Variants in IL2RA observed in about 807,000 individuals in gnomAD.
IL2RA encodes interleukin 2 receptor subunit alpha, also known as interleukin-2 receptor subunit alpha.
A neutral mutation model predicts 37.8 loss-of-function variants in IL2RA; 24 were observed. That is an observed-to-expected ratio of 0.63 (90% confidence interval 0.46 to 0.89). IL2RA has a LOEUF of 0.89. Ranked by LOEUF, IL2RA falls within the 40% of genes least tolerant of loss-of-function variation. The pLI is 0.00. For missense variants in IL2RA, 319 were observed against 348.6 expected (o/e 0.92, Z 0.68); for synonymous variants, 125 against 114.6 (o/e 1.09, Z -0.58).
At chr10:6,027,429 T>G (rs903060337) in intron 1 of IL2RA, among the ~76,000 whole-genome samples, 3 of 152,044 alleles carry the variant, frequency 2.0e-5, no homozygotes, top group African/African-American at 7.3e-5. Flanking sequence ...GGCCAGAAAT[T>G]ACAGTGGAAC....
rs1360717204 is a variant in IL2RA, at chr10:6,048,174, G to A, written c.64+13914C>T. Among the ~76,000 whole-genome samples the A allele has an allele frequency of 6.6e-6, 1 of 152,240 alleles. No homozygotes were observed. On this transcript the variant is annotated intron_variant, in intron 1 of 7. Transcript: ENST00000379959. This position sits in a 1 kb window ranked among gnomAD's most constrained non-coding sequence, Gnocchi z 5.3. ...CATGCATCACAGGAAGGCTGTCATG[G>A]GAGTCCTGAGGTGGGTGGTGATAAG...
In IL2RA at chr10:6,054,649, C is replaced by T. The variant is rs145336551; in HGVS notation, c.64+7439G>A. Reference sequence around the variant, plus strand: ...ACTCATGGAACACGGTCCATGTACACGACTCCAGCAGCATCACTAGAAAAC... The same window carrying T: ...ACTCATGGAACACGGTCCATGTACATGACTCCAGCAGCATCACTAGAAAAC... On this transcript the variant is annotated intron_variant, in intron 1 of 7. Transcript: ENST00000379959. This position sits in a 1 kb window ranked among gnomAD's most constrained non-coding sequence, Gnocchi z 4.5. 5.3e-5 allele frequency among the ~76,000 whole-genome samples: 8 copies of T among 152,226 alleles called. No individual in the cohort carries two copies. The highest frequency in any genetic ancestry group is 1.4e-4 in the African/African-American group (6 of 41,540).
Position 6,014,817 on chromosome 10 carries a change from A to C in IL2RA, c.795-1921T>G, listed in dbSNP as rs1260808454. Among the ~76,000 whole-genome samples, 1 of 152,186 alleles carries C rather than the reference A, an allele frequency of 6.6e-6. No individual in the cohort carries two copies. Among genetic ancestry groups the C allele is most frequent in the African/African-American group, 2.4e-5 (1 of 41,434 alleles). On this transcript the variant is annotated intron_variant, in intron 7 of 7. Coordinates refer to ENST00000379959, the MANE Select transcript of IL2RA (RefSeq NM_000417.3). This position sits in a 1 kb window ranked among gnomAD's most constrained non-coding sequence, Gnocchi z 4.4. ...CTTATCATTTGCACTGCAGTAATTT[A>C]TACTTTTTAATTCCCATGAGGAAAA...
intron 1 of IL2RA, among the ~76,000 whole-genome samples, chr10:6,049,668 C>T (rs1312635482): frequency 2.6e-5 from 4 of 152,224 alleles, no homozygotes; most frequent in Admixed American, 1.3e-4. Flanking sequence ...ACTTTGCTCC[C>T]TTTTCTTTAC....
chr10:6,025,918 T>G lies in IL2RA; in HGVS notation c.172A>C (p.Ile58Leu). 6.2e-7 allele frequency: 1 copy of G among 1,614,232 alleles called. No homozygotes were observed. The highest frequency in any genetic ancestry group is 8.5e-7 in the Non-Finnish European group (1 of 1,180,030). ...AGCATATAGAGTGACCCGCTTTTTATTCTGCGGAAACCTCTCTTGCATTCA... is the reference window on the plus strand; with the variant it reads ...AGCATATAGAGTGACCCGCTTTTTAGTCTGCGGAAACCTCTCTTGCATTCA... ...NCECKRGFRR[I>L]KSGSLYMLCT... The change falls in exon 2 of 8, where the codon ATA becomes CTA. Residue 58 changes from isoleucine (I) to leucine (L), a missense_variant. Coordinates refer to ENST00000379959, the MANE Select transcript of IL2RA (RefSeq NM_000417.3). The surrounding 1 kb of genome is among the most constrained non-coding windows in gnomAD (Gnocchi z 4.4).
chr10:6,059,290 G>C (rs1840090471), intron 1 of IL2RA, among the ~76,000 whole-genome samples: 1 of 152,170 alleles, frequency 6.6e-6, no homozygotes. Flanking sequence ...TGTTTGCAAT[G>C]AACAGAAACA....
At chr10:6,040,689 G>A (rs551950918) in intron 1 of IL2RA, among the ~76,000 whole-genome samples, 5 of 152,166 alleles carry the variant, frequency 3.3e-5, no homozygotes, top group African/African-American at 1.2e-4. Flanking sequence ...AGGACTTAAT[G>A]GCATCTTTGG....
chr10:6,019,446 T>C lies in IL2RA; in HGVS notation c.709A>G (p.Thr237Ala), dbSNP rs769734470. 1 of 1,613,080 alleles carries C rather than the reference T, an allele frequency of 6.2e-7. No homozygotes were observed. The highest frequency in any genetic ancestry group is 1.3e-5 in the African/African-American group (1 of 75,024). Residue 237 changes from threonine to alanine, a missense_variant, in exon 6 of 8, where the codon ACA (threonine) becomes GCA (alanine). Thr to Ala is a moderately conservative substitution (Grantham distance 58, BLOSUM62 0). Transcript: ENST00000379959. ...CACTCACCTGCTACCTGGTACTCTG[T>C]TGTAAATATGGACGTCTCCATGGTT... ...AATMETSIFT[T>A]EYQVAVAGCV...
chr10:6,046,393 T>A lies in IL2RA; in HGVS notation c.64+15695A>T, dbSNP rs966075442. Among the ~76,000 whole-genome samples the A allele has an allele frequency of 6.6e-6, 1 of 152,146 alleles. No individual in the cohort carries two copies. Among genetic ancestry groups the A allele is most frequent in the Non-Finnish European group, 1.5e-5 (1 of 68,046 alleles). On this transcript the variant is annotated intron_variant, in intron 1 of 7. Transcript: ENST00000379959. This position sits in a 1 kb window ranked among gnomAD's most constrained non-coding sequence, Gnocchi z 4.8. ...GTAGAGACAAACAGCATCATAAAAG[T>A]GTCAAATCCGTGTGTTCACAGATGC...
chr10:6,013,781 C>G (rs1490125946), intron 7 of IL2RA, among the ~76,000 whole-genome samples: 2 of 151,408 alleles, frequency 1.3e-5, no homozygotes, highest in African/African-American at 4.9e-5. Context: ...GTAAGTAATT[C>G]TTGCCTTTGT....
rs1341014161 is a variant in IL2RA at position 6,028,347 on chromosome 10, G to A, written c.65-2322C>T. 6.6e-6 allele frequency among the ~76,000 whole-genome samples: 1 copy of A among 152,218 alleles called. No homozygotes were observed. The highest frequency in any genetic ancestry group is 1.5e-5 in the Non-Finnish European group (1 of 68,032). ...AAACTTAGCCCTGATTGTCCATTGTGAGGGCTGAGAGAAGAAGAGTTATGC... is the reference window on the plus strand; with the variant it reads ...AAACTTAGCCCTGATTGTCCATTGTAAGGGCTGAGAGAAGAAGAGTTATGC... On this transcript the variant is annotated intron_variant, in intron 1 of 7. Coordinates refer to ENST00000379959, the MANE Select transcript of IL2RA (RefSeq NM_000417.3). The surrounding 1 kb of genome is among the most constrained non-coding windows in gnomAD (Gnocchi z 4.1).
chr10:6,043,706 G>A (rs1301040032), intron 1 of IL2RA, among the ~76,000 whole-genome samples: 1 of 152,158 alleles, frequency 6.6e-6, no homozygotes, highest in African/African-American at 2.4e-5. Flanking sequence ...CCAAGGTGCT[G>A]GGATTACAGG....
chr10:6,012,267 A>G lies in IL2RA; in HGVS notation c.*605T>C, dbSNP rs536972453. ...AGAAATTCAAGACTGAAGGCTCAGT[A>G]GAAGGGGGTTAGCTTAGAGGATTGA... On this transcript the variant is annotated 3_prime_UTR_variant, in exon 8 of 8. Coordinates refer to ENST00000379959, the MANE Select transcript of IL2RA (RefSeq NM_000417.3). This position sits in a 1 kb window ranked among gnomAD's most constrained non-coding sequence, Gnocchi z 4.8. 3 of 153,492 alleles carry G rather than the reference A, an allele frequency of 2.0e-5. No homozygotes were observed. The highest frequency in any genetic ancestry group is 7.2e-5 in the African/African-American group (3 of 41,566). The allele number at this position is 153,492 out of a possible 1,614,324, so 9.5% of individuals were successfully genotyped here. A position where few individuals can be genotyped will look rare whatever the true frequency, so the allele number is the denominator to read the frequency against.
In IL2RA at chr10:6,036,709, A is replaced by G. The variant is rs370485037; in HGVS notation, c.65-10684T>C. On this transcript the variant is annotated intron_variant, in intron 1 of 7. Transcript: ENST00000379959. The surrounding 1 kb of genome is among the most constrained non-coding windows in gnomAD (Gnocchi z 6.1). ...TTATTAGAATTGGAGTAGAATGAAA[A>G]TTAATTTTTCCCTGAGCTATTTTTG... is the stretch of plus-strand genomic sequence containing the variant. Among the ~76,000 whole-genome samples the G allele has an allele frequency of 6.6e-6, 1 of 152,298 alleles. No individual in the cohort carries two copies. Among genetic ancestry groups the G allele is most frequent in the East Asian group, 1.9e-4 (1 of 5,190 alleles).
In IL2RA at chr10:6,036,254, G is replaced by A. The variant is rs1839681095; in HGVS notation, c.65-10229C>T. 6.6e-6 allele frequency: 1 copy of A among 152,208 alleles called. No individual in the cohort carries two copies. Among genetic ancestry groups the A allele is most frequent in the Non-Finnish European group, 1.5e-5 (1 of 68,054 alleles). 9.4% of individuals were successfully genotyped at this position (152,208 alleles called of 1,614,324 possible). Reference sequence around the variant, plus strand: ...CAGAATGACCTCACCCAGGACAAACGGCGACAGATTTAGGAATTCAAGCCA... The same window carrying A: ...CAGAATGACCTCACCCAGGACAAACAGCGACAGATTTAGGAATTCAAGCCA... On this transcript the variant is annotated intron_variant, in intron 1 of 7. Coordinates refer to ENST00000379959, the MANE Select transcript of IL2RA (RefSeq NM_000417.3). This position sits in a 1 kb window ranked among gnomAD's most constrained non-coding sequence, Gnocchi z 6.1.
chr10:6,052,734 C>T (rs61839660), intron 1 of IL2RA, among the ~76,000 whole-genome samples: 8,634 of 152,236 alleles, frequency 0.057, 339 homozygotes, highest in Non-Finnish European at 0.09. Context: ...AAGGAGGTAT[C>T]TATTTTGGTC....
chr10:6,051,286 C>T (rs1037653991), intron 1 of IL2RA, among the ~76,000 whole-genome samples: 4 of 151,878 alleles, frequency 2.6e-5, no homozygotes, highest in South Asian at 2.1e-4. Flanking sequence ...CGCATGCAGC[C>T]GGGTGTCATC....
At position 6,012,027 on chromosome 10, in the gene IL2RA, A is replaced by G. The variant is rs1839199028; in HGVS notation, c.*845T>C. The G allele has an allele frequency of 6.6e-6, 1 of 152,386 alleles. No homozygotes were observed. The highest frequency in any genetic ancestry group is 1.5e-5 in the Non-Finnish European group (1 of 68,068). 9.4% of individuals were successfully genotyped at this position (152,386 alleles called of 1,614,324 possible). On this transcript the variant is annotated 3_prime_UTR_variant, in exon 8 of 8. Transcript: ENST00000379959. This position sits in a 1 kb window ranked among gnomAD's most constrained non-coding sequence, Gnocchi z 4.8. ...CTTGTGTGTCCACCTGTAAACATCA[A>G]ATTAGTGCAGGCCAAATTCAGGGTA...
rs1470207094 is a variant in IL2RA, at chr10:6,047,226, C to A, written c.64+14862G>T. Among the ~76,000 whole-genome samples, 1 of 152,216 alleles carries A rather than the reference C, an allele frequency of 6.6e-6. No individual in the cohort carries two copies. Among genetic ancestry groups the A allele is most frequent in the Non-Finnish European group, 1.5e-5 (1 of 68,028 alleles). On this transcript the variant is annotated intron_variant, in intron 1 of 7. Transcript: ENST00000379959. This position sits in a 1 kb window ranked among gnomAD's most constrained non-coding sequence, Gnocchi z 5.0. ...ATGTGGACACAGGTAGCCCAAGGAA[C>A]AACCCCCATGCCAACAGCACTCCAT...
Sources: gnomAD v4.1 joint callset for allele counts (sites outside exome capture counted in the v4.1 genomes callset) on GRCh38, gnomAD v4.1.1 for gene constraint, Gnocchi (gnomAD v3.1) non-coding constraint, MANE v1.5 for transcripts, NCBI Gene and HGNC (gene_info 2026-07-23, HGNC 2026-07-21) for gene names.